CHIC1: variants seen among roughly 807,000 people sequenced by gnomAD.
The protein encoded by CHIC1 is cysteine rich hydrophobic domain 1, also known as cysteine-rich hydrophobic domain-containing protein 1.
CHIC1 carries 7 observed loss-of-function variants against 18.5 expected under a neutral mutation model. The ratio of observed to expected loss-of-function variants is 0.38; its 90% CI spans 0.22 to 0.71. The LOEUF is 0.71. Among genes scored for constraint, CHIC1 ranks in the 30% least tolerant of loss-of-function variants. CHIC1 has a pLI of 0.49. For missense variants in CHIC1, 159 were observed against 176.9 expected (o/e 0.90, Z 0.57); for synonymous variants, 77 against 73.5 (o/e 1.05, Z -0.25).
chrX:73,626,813 T>G (rs1191613527), intron 3 of CHIC1, among the ~76,000 whole-genome samples: 3 of 111,261 alleles, frequency 2.7e-5, no homozygotes, highest in African/African-American at 9.8e-5. Flanking sequence ...CTTATTTCAT[T>G]CATTTGATGA....
intron 1 of CHIC1, among the ~76,000 whole-genome samples, chrX:73,572,421 C>T (rs1172527069): frequency 9.0e-6 from 1 of 110,717 alleles, no homozygotes; most frequent in East Asian, 2.8e-4. Context: ...CTGCGATGAG[C>T]ATATGGGCAC....
intron 3 of CHIC1, among the ~76,000 whole-genome samples, chrX:73,602,947 C>T (rs767593554): frequency 9.2e-6 from 1 of 108,550 alleles, no homozygotes; most frequent in South Asian, 3.8e-4. Flanking sequence ...AGTCAGATAG[C>T]GTGATGCCTC....
chrX:73,602,910 T>C (rs1382354121), intron 3 of CHIC1, among the ~76,000 whole-genome samples: 1 of 109,206 alleles, frequency 9.2e-6, no homozygotes, highest in East Asian at 2.8e-4. Flanking sequence ...GCTGTTTTGG[T>C]TACTATAGCC....
intron 3 of CHIC1, among the ~76,000 whole-genome samples, chrX:73,600,472 G>C (rs375662902): frequency 4.7e-5 from 5 of 106,227 alleles, no homozygotes; most frequent in African/African-American, 7.3e-5. Context: ...CTGTGGGTTT[G>C]TCATAGATAG....
At chrX:73,578,934 T>C (rs759415542) in intron 2 of CHIC1, 15 of 110,773 alleles carry the variant, frequency 1.4e-4, no homozygotes, top group Non-Finnish European at 2.5e-4. Flanking sequence ...TCTACTGATA[T>C]TTGCTTCTTT....
intron 3 of CHIC1, among the ~76,000 whole-genome samples, chrX:73,624,455 A>G (rs769596061): frequency 1.8e-5 from 2 of 112,212 alleles, no homozygotes; most frequent in East Asian, 5.6e-4. Context: ...CCAATGGCCA[A>G]TATTTCTGGC....
intron 3 of CHIC1, among the ~76,000 whole-genome samples, chrX:73,616,116 G>C (rs918598215): frequency 9.0e-6 from 1 of 110,653 alleles, no homozygotes; most frequent in Non-Finnish European, 1.9e-5. Context: ...GTAGGGGCTG[G>C]GCTCTCAGTG....
chrX:73,594,554 T>C (rs1474227883), intron 3 of CHIC1, among the ~76,000 whole-genome samples: 3 of 112,163 alleles, frequency 2.7e-5, no homozygotes, highest in Non-Finnish European at 5.6e-5. Context: ...ATCCAGTAGA[T>C]AGAGTTTAAA....
chrX:73,655,515 C>CAATATTGTGTATATATATACATATATAT (rs1569504760), intron 3 of CHIC1, among the ~76,000 whole-genome samples: 1 of 16,350 alleles, frequency 6.1e-5, no homozygotes, highest in Non-Finnish European at 1.3e-4. Context: ...TACATATATA[C>CAATATTGTGTATATATATACATATATAT]ACAATATTGT....
intron 3 of CHIC1, among the ~76,000 whole-genome samples, chrX:73,631,472 C>CAA (rs898764200): frequency 2.0e-5 from 2 of 101,544 alleles, no homozygotes; most frequent in African/African-American, 7.2e-5. Flanking sequence ...ACTAAAAATA[C>CAA]AAAAAAAAAA....
Position 73,563,366 on chromosome X carries a change from T to TCGTCGTCGTCGC in CHIC1, c.94_105dup (p.Pro32_Ser35dup). 8.7e-7 allele frequency: 1 copy of TCGTCGTCGTCGC among 1,152,326 alleles called. No homozygotes were observed. The highest frequency in any genetic ancestry group is 1.2e-6 in the Non-Finnish European group (1 of 865,333). 95.0% of individuals were successfully genotyped at this position (1,152,326 alleles called of 1,213,427 possible). A position where few individuals can be genotyped will look rare whatever the true frequency, so the allele number is the denominator to read the frequency against. ...GGAGGAGGAAGAAGAAGCGGCAACG[T>TCGTCGTCGTCGC]CGTCGTCGTCGCCGTCGTCGTCGTC... On this transcript the variant is annotated inframe_insertion, in exon 1 of 6. Coordinates refer to ENST00000373502, the MANE Select transcript of CHIC1 (RefSeq NM_001039840.4).
chrX:73,579,636 C>T (rs2057517033), intron 2 of CHIC1, among the ~76,000 whole-genome samples: 1 of 110,180 alleles, frequency 9.1e-6, no homozygotes, highest in Non-Finnish European at 1.9e-5. Context: ...CTAAGTTAGC[C>T]TTAGAGAATA....
chrX:73,632,763 C>CTTTTTTTTTTTTTT (rs778008597), intron 3 of CHIC1, among the ~76,000 whole-genome samples: 5 of 63,645 alleles, frequency 7.9e-5, no homozygotes, highest in Non-Finnish European at 1.2e-4. Context: ...TATTGTTATT[C>CTTTTTTTTTTTTTT]TTTTTTTTTT....
chrX:73,657,631 C>G (rs929358201), intron 3 of CHIC1, among the ~76,000 whole-genome samples: 2 of 111,586 alleles, frequency 1.8e-5, no homozygotes, highest in African/African-American at 6.5e-5. Context: ...GCCTAATTGC[C>G]CTAGTCAGAA....
chrX:73,581,848 T>C (rs1272838809), intron 2 of CHIC1, among the ~76,000 whole-genome samples: 1 of 111,042 alleles, frequency 9.0e-6, no homozygotes, highest in Admixed American at 9.6e-5. Context: ...TTAGGTAATG[T>C]TTTTGTTTTC....
chrX:73,633,361 C>T (rs2057817121), intron 3 of CHIC1, among the ~76,000 whole-genome samples: 1 of 110,252 alleles, frequency 9.1e-6, no homozygotes, highest in South Asian at 3.9e-4. Context: ...ATCTCACTCT[C>T]TTATGGCTTA....
rs368257423 is a variant in CHIC1, at chrX:73,584,480, C to T, written c.415C>T (p.Pro139Ser). ...RVNACLKKALPVNVKWLLCGC... is the reference protein window; with the variant it reads ...RVNACLKKALSVNVKWLLCGC... ...GAATGCATGTTTGAAAAAGGCTCTC[C>T]CGGTCAATGTGAAATGGCTGCTGTG... The change falls in exon 3 of 6, where the codon CCG (proline) becomes TCG (serine). Residue 139 changes from proline to serine, a missense_variant. Coordinates refer to ENST00000373502, the MANE Select transcript of CHIC1 (RefSeq NM_001039840.4). 7.7e-6 allele frequency: 9 copies of T among 1,175,033 alleles called. No homozygotes were observed. Among genetic ancestry groups the T allele is most frequent in the Non-Finnish European group, 1.0e-5 (9 of 875,965 alleles).
At chrX:73,613,368 G>A (rs2057717974) in intron 3 of CHIC1, among the ~76,000 whole-genome samples, 1 of 111,355 alleles carries the variant, frequency 9.0e-6, no homozygotes. Context: ...ACATCTTCAT[G>A]GTAATGAGTG....
At chrX:73,678,053 A>G (rs1766432672) in intron 3 of CHIC1, among the ~76,000 whole-genome samples, 1 of 103,164 alleles carries the variant, frequency 9.7e-6, no homozygotes, top group Non-Finnish European at 1.9e-5. Flanking sequence ...CACTTCATTC[A>G]TTTGTATGGA....
Sources: gnomAD v4.1 joint callset for allele counts (sites outside exome capture counted in the v4.1 genomes callset) on GRCh38, gnomAD v4.1.1 for gene constraint, MANE v1.5 for transcripts, NCBI Gene and HGNC (gene_info 2026-07-23, HGNC 2026-07-21) for gene names.